SLC38A8: variants seen among roughly 807,000 people sequenced by gnomAD.
SLC38A8 encodes the protein solute carrier family 38 member 8.
In SLC38A8, 65 loss-of-function variants were observed where a neutral mutation model predicts 46.0. The observed-to-expected ratio is 1.41, with a 90% confidence interval of 1.16 to 1.74. The LOEUF (loss-of-function observed/expected upper bound fraction) is 1.74, where lower values mean the gene tolerates loss of function less well. Among genes scored for constraint, SLC38A8 ranks in the 40% most tolerant of loss-of-function variants. The pLI, the probability that SLC38A8 is intolerant of heterozygous loss-of-function variation, is 0.00. For missense variants in SLC38A8, 998 were observed against 567.9 expected (o/e 1.76, Z -7.70); for synonymous variants, 447 against 243.7 (o/e 1.83, Z -7.77).
At chr16:84,013,860 G>A (rs1001047223) in intron 9 of SLC38A8, among the ~76,000 whole-genome samples, 2 of 151,980 alleles carry the variant, frequency 1.3e-5, no homozygotes, top group African/African-American at 4.8e-5. Context: ...AATAGCCAGC[G>A]CTACAACTGG....
In SLC38A8 at chr16:84,022,852, C is replaced by A. The variant is rs773149036; in HGVS notation, c.728G>T (p.Arg243Leu). The A allele has an allele frequency of 1.2e-6, 2 of 1,610,432 alleles. No individual in the cohort carries two copies. The highest frequency in any genetic ancestry group is 1.7e-6 in the Non-Finnish European group (2 of 1,178,622). ...EAAVSIYCSM[R>L]KRSLSHWALV... ...GGCCCAGTGGGAGAGGCTCCGTTTG[C>A]GCATGCTGCAGTAGATGGAGACGGC... is the stretch of plus-strand genomic sequence containing the variant. The change falls in exon 7 of 11, where the codon CGC (arginine) becomes CTC (leucine). Residue 243 changes from arginine (R) to leucine (L), a missense_variant. By Grantham distance (102) the Arg-to-Leu change is moderately radical. Coordinates refer to ENST00000299709, the MANE Select transcript of SLC38A8 (RefSeq NM_001080442.3).
At chr16:84,022,170 C>G (rs1196178121) in intron 7 of SLC38A8, among the ~76,000 whole-genome samples, 1 of 152,202 alleles carries the variant, frequency 6.6e-6, no homozygotes, top group Non-Finnish European at 1.5e-5. Context: ...CTGAGAGATT[C>G]ACTGCAGCCC....
rs150316272 is a variant in SLC38A8, at chr16:84,038,831, G to A, written c.190-1931C>T. 3.3e-3 allele frequency among the ~76,000 whole-genome samples: 501 copies of A among 152,232 alleles called. 2 individuals carry two copies. Among genetic ancestry groups the A allele is most frequent in the South Asian group, 0.014 (67 of 4,820 alleles). Reference sequence around the variant, plus strand: ...CATGTGTGATTGATCCGTATCGGGCGCACAGGCAGCTTGCTTCTGTTTTTG... The same window carrying A: ...CATGTGTGATTGATCCGTATCGGGCACACAGGCAGCTTGCTTCTGTTTTTG... On this transcript the variant is annotated intron_variant, in intron 2 of 10. Coordinates refer to ENST00000299709, the MANE Select transcript of SLC38A8 (RefSeq NM_001080442.3).
intron 9 of SLC38A8, among the ~76,000 whole-genome samples, 181 bp downstream of exon 9, chr16:84,016,338 G>T (rs186608185): frequency 6.6e-6 from 1 of 152,190 alleles, no homozygotes; most frequent in South Asian, 2.1e-4. Flanking sequence ...AATGAGTGAG[G>T]GAAGGTATGT....
intron 6 of SLC38A8, among the ~76,000 whole-genome samples, chr16:84,027,019 C>T (rs2085172283): frequency 6.6e-6 from 1 of 152,116 alleles, no homozygotes; most frequent in Non-Finnish European, 1.5e-5. Context: ...GTGAATGGCA[C>T]GGTATATGCA....
chr16:84,040,273 G>A (rs1449912730), intron 2 of SLC38A8, among the ~76,000 whole-genome samples: 1 of 152,200 alleles, frequency 6.6e-6, no homozygotes, highest in Non-Finnish European at 1.5e-5. Context: ...CGTGTCAAGA[G>A]CCAGGCTGGC....
chr16:84,034,507 G>C (rs1320236219), intron 3 of SLC38A8, among the ~76,000 whole-genome samples: 3 of 152,198 alleles, frequency 2.0e-5, no homozygotes, highest in Admixed American at 1.3e-4. Flanking sequence ...GGGTGGGTGA[G>C]GTGGCCCCTG....
chr16:84,037,899 G>A (rs2085319868), intron 2 of SLC38A8, among the ~76,000 whole-genome samples: 1 of 144,178 alleles, frequency 6.9e-6, no homozygotes, highest in African/African-American at 2.7e-5. Flanking sequence ...ACCTCCAGCT[G>A]CTAGGTCCAA....
At chr16:84,022,406 T>G (rs74698038) in intron 7 of SLC38A8, among the ~76,000 whole-genome samples, 2,095 of 152,260 alleles carry the variant, frequency 0.014, 44 homozygotes, top group African/African-American at 0.048. Flanking sequence ...CACAAACGTT[T>G]TGTAAACCCT....
At position 84,009,719 on chromosome 16, in the gene SLC38A8, T is replaced by C; in HGVS notation, c.*65A>G. 1.4e-6 allele frequency: 2 copies of C among 1,397,384 alleles called. No homozygotes were observed. The highest frequency in any genetic ancestry group is 2.5e-5 in the South Asian group (2 of 80,018). The allele number at this position is 1,397,384 out of a possible 1,614,324, so 86.6% of individuals were successfully genotyped here. A position where few individuals can be genotyped will look rare whatever the true frequency, so the allele number is the denominator to read the frequency against. ...AAAGAAATGGCATCGGTCTCCTGGC[T>C]GCATACAGCAGCCACGTAGGGTCAG... On this transcript the variant is annotated 3_prime_UTR_variant, in exon 11 of 11. Transcript: ENST00000299709.
Position 84,040,264 on chromosome 16 carries a change from G to A in SLC38A8, c.189+1705C>T, listed in dbSNP as rs116738250. 6.9e-3 allele frequency among the ~76,000 whole-genome samples: 1,048 copies of A among 152,288 alleles called. 4 individuals carry two copies. The highest frequency in any genetic ancestry group is 0.024 in the African/African-American group (994 of 41,538). The stretch of plus-strand genomic sequence containing the variant: ...AGGAACAACTTGGGGTGGCGGGAGC[G>A]TGTCAAGAGCCAGGCTGGCTCCTCT... On this transcript the variant is annotated intron_variant, in intron 2 of 10. Coordinates refer to ENST00000299709, the MANE Select transcript of SLC38A8 (RefSeq NM_001080442.3).
chr16:84,042,317 T>C (rs948590063), intron 1 of SLC38A8, among the ~76,000 whole-genome samples, 158 bp from the exon 2 acceptor site: 14 of 152,274 alleles, frequency 9.2e-5, no homozygotes, highest in Admixed American at 6.5e-4. Context: ...GGGTGCTGCA[T>C]GCATCTGCCC....
chr16:84,016,215 T>C lies in SLC38A8; in HGVS notation c.1162+304A>G, dbSNP rs571350089. On this transcript the variant is annotated intron_variant, in intron 9 of 10. Transcript: ENST00000299709. ...AACAGAATGGGTGGAACCATCCCCA[T>C]GATTCAACTATCTCCACCTTGCCCT... Among the ~76,000 whole-genome samples the C allele has an allele frequency of 4.6e-5, 7 of 152,342 alleles. 1 individual carries two copies. Among genetic ancestry groups the C allele is most frequent in the South Asian group, 4.1e-4 (2 of 4,832 alleles).
At chr16:84,012,339 G>C (rs554940928) in intron 10 of SLC38A8, among the ~76,000 whole-genome samples, 1 of 152,322 alleles carries the variant, frequency 6.6e-6, no homozygotes, top group Non-Finnish European at 1.5e-5. Flanking sequence ...CAGAGGCTCA[G>C]TCGTGTCTGA....
intron 2 of SLC38A8, among the ~76,000 whole-genome samples, chr16:84,038,834 C>A (rs1439432417): frequency 3.3e-5 from 5 of 152,286 alleles, no homozygotes; most frequent in East Asian, 1.9e-4. Context: ...ATCGGGCGCA[C>A]AGGCAGCTTG....
rs1403782662 is a variant in SLC38A8 at position 84,022,836 on chromosome 16, G to A, written c.744C>T (p.Ser248=). The A allele has an allele frequency of 6.2e-7, 1 of 1,612,652 alleles. No individual in the cohort carries two copies. Among genetic ancestry groups the A allele is most frequent in the Non-Finnish European group, 8.5e-7 (1 of 1,179,516 alleles). The change falls in exon 7 of 11, where the codon TCC becomes TCT. Residue 248 remains serine (S), a synonymous_variant. Coordinates refer to ENST00000299709, the MANE Select transcript of SLC38A8 (RefSeq NM_001080442.3). ...ACAGCACAGACACCAGGGCCCAGTG[G>A]GAGAGGCTCCGTTTGCGCATGCTGC... is the stretch of plus-strand genomic sequence containing the variant. ...IYCSMRKRSL[S]HWALVSVLSL... is the part of the protein sequence containing the mutation.
rs1555556903 is a variant in SLC38A8, at chr16:84,037,808, T to TTTTC, written c.190-909_190-908insGAAA. Among the ~76,000 whole-genome samples, 3 of 138,822 alleles carry TTTTC rather than the reference T, an allele frequency of 2.2e-5. No homozygotes were observed. The East Asian group carries it at 6.4e-4, about 30-fold the overall frequency. 91.1% of individuals were successfully genotyped at this position (138,822 alleles called of 152,430 possible). A position where few individuals can be genotyped will look rare whatever the true frequency, so the allele number is the denominator to read the frequency against. ...AACATCCCTCTATTTCAGCTTCAATTTTTTTTTTTTTTTTTTTGGAGACGG... is the reference window on the plus strand; with the variant it reads ...AACATCCCTCTATTTCAGCTTCAATTTTTCTTTTTTTTTTTTTTTTTGGAGACGG... On this transcript the variant is annotated intron_variant, in intron 2 of 10. Transcript: ENST00000299709.
intron 7 of SLC38A8, among the ~76,000 whole-genome samples, chr16:84,020,946 T>C (rs1001139209): frequency 6.6e-6 from 1 of 152,226 alleles, no homozygotes; most frequent in Admixed American, 6.5e-5. Context: ...AATTTCATCT[T>C]CAAGTCATTT....
At chr16:84,014,290 T>C (rs1443333777) in intron 9 of SLC38A8, among the ~76,000 whole-genome samples, 1 of 121,786 alleles carries the variant, frequency 8.2e-6, no homozygotes, top group East Asian at 2.5e-4. Context: ...TCTGAAAGCC[T>C]CGCCCACAGC....
Sources: gnomAD v4.1 joint callset for allele counts (sites outside exome capture counted in the v4.1 genomes callset) on GRCh38, gnomAD v4.1.1 for gene constraint, MANE v1.5 for transcripts, NCBI Gene and HGNC (gene_info 2026-07-23, HGNC 2026-07-21) for gene names.